Variants in XYLT1 observed in about 807,000 individuals in gnomAD.
XYLT1 encodes beta-D-xylosyltransferase 1.
A neutral mutation model predicts 91.3 loss-of-function variants in XYLT1; 36 were observed. That is an observed-to-expected ratio of 0.39 (90% confidence interval 0.30 to 0.52). The LOEUF is 0.52. Among genes scored for constraint, XYLT1 ranks in the 20% least tolerant of loss-of-function variants. The pLI is 0.68. For synonymous variants in XYLT1, 588 were observed against 532.0 expected, an observed-to-expected ratio of 1.11 and a Z score of -1.45; for missense variants, 1,242 against 1,284.5, an observed-to-expected ratio of 0.97 and a Z score of 0.51.
At chr16:17,228,968 T>A (rs1176962213) in intron 3 of XYLT1, among the ~76,000 whole-genome samples, 1 of 152,056 alleles carries the variant, frequency 6.6e-6, no homozygotes, top group Non-Finnish European at 1.5e-5. Flanking sequence ...CTGTTTGATT[T>A]CCTTTTATTT....
At chr16:17,128,312 AT>A (rs2030334567) in intron 9 of XYLT1, among the ~76,000 whole-genome samples, 1 of 152,212 alleles carries the variant, frequency 6.6e-6, no homozygotes, top group Non-Finnish European at 1.5e-5. Context: ...TCTTCATTGT[AT>A]AGTATTTCCT....
chr16:17,167,181 G>A (rs925625030), intron 5 of XYLT1, among the ~76,000 whole-genome samples: 2 of 152,214 alleles, frequency 1.3e-5, no homozygotes, highest in Non-Finnish European at 2.9e-5. Context: ...CGCTTTCCCC[G>A]TGGTGAATAA....
intron 1 of XYLT1, among the ~76,000 whole-genome samples, chr16:17,434,024 T>C (rs1276642250): frequency 6.6e-6 from 1 of 152,226 alleles, no homozygotes; most frequent in Non-Finnish European, 1.5e-5. Flanking sequence ...ATTTCGGGCA[T>C]GTATTTATGG....
intron 11 of XYLT1, among the ~76,000 whole-genome samples, chr16:17,113,940 CCAGGAGGG>C (rs1966847200): frequency 6.6e-6 from 1 of 151,562 alleles, no homozygotes; most frequent in African/African-American, 2.4e-5. Flanking sequence ...CATCCACCTG[CCAGGAGGG>C]TGGTGCACCC....
chr16:17,148,705 C>G (rs2031202058), intron 6 of XYLT1, among the ~76,000 whole-genome samples: 2 of 152,202 alleles, frequency 1.3e-5, no homozygotes, highest in South Asian at 2.1e-4. Flanking sequence ...GCAGGTCTAG[C>G]TGGATCCAAT....
intron 1 of XYLT1, among the ~76,000 whole-genome samples, chr16:17,394,383 C>T (rs2035858488): frequency 6.6e-6 from 1 of 152,160 alleles, no homozygotes; most frequent in Non-Finnish European, 1.5e-5. Context: ...TGGGAGGCAG[C>T]GGTGGTCTCC....
chr16:17,110,932 G>A (rs1176764898), intron 11 of XYLT1, among the ~76,000 whole-genome samples: 1 of 152,192 alleles, frequency 6.6e-6, no homozygotes, highest in Non-Finnish European at 1.5e-5. Context: ...GGCTGAGGCA[G>A]GTGGATCACC....
intron 1 of XYLT1, among the ~76,000 whole-genome samples, chr16:17,400,375 G>A (rs1470728310): frequency 1.3e-5 from 2 of 152,178 alleles, no homozygotes; most frequent in African/African-American, 2.4e-5. Flanking sequence ...CAGATTATTT[G>A]AGGTCAGGAG....
intron 3 of XYLT1, among the ~76,000 whole-genome samples, chr16:17,254,909 T>C (rs915836475): frequency 2.6e-5 from 4 of 152,026 alleles, no homozygotes; most frequent in Non-Finnish European, 5.9e-5. Context: ...TAGACAGTGA[T>C]AGCATTTTGC....
chr16:17,141,619 T>C (rs1390380290), intron 6 of XYLT1, among the ~76,000 whole-genome samples: 1 of 152,130 alleles, frequency 6.6e-6, no homozygotes, highest in Non-Finnish European at 1.5e-5. Flanking sequence ...CACTGAGGCT[T>C]AGAGAGCCCA....
intron 3 of XYLT1, among the ~76,000 whole-genome samples, chr16:17,243,927 C>T (rs77509364): frequency 2.6e-5 from 4 of 152,160 alleles, no homozygotes; most frequent in Non-Finnish European, 5.9e-5. Context: ...TGCTTGGCCA[C>T]GGCACCATGG....
intron 3 of XYLT1, among the ~76,000 whole-genome samples, chr16:17,204,054 C>T (rs2032593591): frequency 6.6e-6 from 1 of 152,154 alleles, no homozygotes; most frequent in South Asian, 2.1e-4. Flanking sequence ...AGCACATTTC[C>T]CAGGTCACAC....
intron 1 of XYLT1, among the ~76,000 whole-genome samples, chr16:17,397,247 C>G (rs909088587): frequency 6.6e-6 from 1 of 152,022 alleles, no homozygotes; most frequent in Non-Finnish European, 1.5e-5. Flanking sequence ...TCGGCAGGTT[C>G]GGGTAACAGA....
intron 1 of XYLT1, among the ~76,000 whole-genome samples, chr16:17,448,734 G>A (rs940813116): frequency 2.6e-5 from 4 of 151,484 alleles, no homozygotes; most frequent in Middle Eastern, 3.2e-3. Context: ...GGAAGGGGAG[G>A]AGGGTGGAGG....
At chr16:17,337,726 C>T (rs1231670554) in intron 2 of XYLT1, among the ~76,000 whole-genome samples, 2 of 151,888 alleles carry the variant, frequency 1.3e-5, no homozygotes, top group Non-Finnish European at 2.9e-5. Context: ...TTCACACATT[C>T]CCGATCTTAT....
At chr16:17,367,000 C>T (rs1274761274) in intron 1 of XYLT1, among the ~76,000 whole-genome samples, 3 of 151,992 alleles carry the variant, frequency 2.0e-5, no homozygotes, top group African/African-American at 4.8e-5. Flanking sequence ...GCTCCTCATA[C>T]TAGATGTTCT....
rs1029863546 is a variant in XYLT1 at position 17,237,574 on chromosome 16, T to A, written c.913+21414A>T. Among the ~76,000 whole-genome samples the A allele has an allele frequency of 3.3e-5, 5 of 152,224 alleles. No homozygotes were observed. The East Asian group carries it at 9.6e-4, about 29-fold the overall frequency. On this transcript the variant is annotated intron_variant, in intron 3 of 11. Coordinates refer to ENST00000261381, the MANE Select transcript of XYLT1 (RefSeq NM_022166.4). Reference sequence around the variant, plus strand: ...TGTGTTGGGTTTCAGATTAGTGAAGTGTGCCTGTGGCAAAAGGTCTCTTCC... The same window carrying A: ...TGTGTTGGGTTTCAGATTAGTGAAGAGTGCCTGTGGCAAAAGGTCTCTTCC...
intron 2 of XYLT1, among the ~76,000 whole-genome samples, chr16:17,356,743 G>T (rs370276285): frequency 1.2e-3 from 189 of 152,200 alleles, no homozygotes; most frequent in African/African-American, 4.1e-3. Flanking sequence ...ATTCACTGTG[G>T]GGCTCTGAAC....
chr16:17,135,278 C>T (rs114572695), intron 8 of XYLT1, among the ~76,000 whole-genome samples: 2,297 of 152,276 alleles, frequency 0.015, 59 homozygotes, highest in African/African-American at 0.052. Flanking sequence ...GGTTCTTCTG[C>T]TCACTGCAGT....
Sources: allele counts gnomAD v4.1 joint callset (sites outside exome capture counted in the v4.1 genomes callset), GRCh38; gene constraint gnomAD v4.1.1; transcripts MANE v1.5; gene names NCBI Gene and HGNC (gene_info 2026-07-23, HGNC 2026-07-21).